The following CNTNAP2 variants were observed in gnomAD, a reference collection of about 807,000 sequenced individuals.
CNTNAP2 encodes the protein contactin associated protein 2, also known as contactin-associated protein-like 2.
Under a neutral mutation model 155.2 loss-of-function variants are expected in CNTNAP2, and 98 were observed. The ratio of observed to expected loss-of-function variants is 0.63; its 90% confidence interval spans 0.54 to 0.75. The LOEUF (loss-of-function observed/expected upper bound fraction) is 0.75, where lower values mean the gene tolerates loss of function less well. Among genes scored for constraint, CNTNAP2 ranks in the 30% least tolerant of loss-of-function variants. The pLI is 0.00. For synonymous variants in CNTNAP2, 651 were observed against 631.2 expected (o/e 1.03, Z -0.47); for missense variants, 1,727 against 1,688.1 (o/e 1.02, Z -0.40).
At chr7:147,990,212 C>T (rs2116880572) in intron 15 of CNTNAP2, among the ~76,000 whole-genome samples, 1 of 152,292 alleles carries the variant, frequency 6.6e-6, no homozygotes, top group Non-Finnish European at 1.5e-5. Flanking sequence ...TCGGGGGAAG[C>T]TTCAGAGACA....
chr7:146,764,345 C>A (rs1027842384), intron 1 of CNTNAP2, among the ~76,000 whole-genome samples: 3 of 152,172 alleles, frequency 2.0e-5, no homozygotes, highest in African/African-American at 7.2e-5. Flanking sequence ...CTCTGCCTAG[C>A]TCCTGGGTGG....
chr7:147,985,332 A>G (rs1270386837), intron 15 of CNTNAP2, among the ~76,000 whole-genome samples: 1 of 151,110 alleles, frequency 6.6e-6, no homozygotes, highest in East Asian at 2.0e-4. Context: ...TTGGTTCTCC[A>G]CATGTACATG....
At chr7:147,639,400 A>G in intron 13 of CNTNAP2, 94 bp downstream of exon 13, 2 of 1,180,256 alleles carry the variant, frequency 1.7e-6, no homozygotes, top group South Asian at 1.3e-5. Context: ...ATTATCTTAT[A>G]GTCTAGTCTT....
chr7:147,028,777 GA>G (rs1360920403), intron 3 of CNTNAP2, among the ~76,000 whole-genome samples: 2 of 151,942 alleles, frequency 1.3e-5, no homozygotes, highest in African/African-American at 2.4e-5. Flanking sequence ...AAAATAACAG[GA>G]ATAAGCAAAA....
intron 10 of CNTNAP2, among the ~76,000 whole-genome samples, chr7:147,438,705 A>G (rs1797591379): frequency 6.6e-6 from 1 of 152,160 alleles, no homozygotes; most frequent in Non-Finnish European, 1.5e-5. Flanking sequence ...TTCAGCAGTG[A>G]AGCCATCAAG....
rs1585305842 is a variant in CNTNAP2 at position 148,361,650 on chromosome 7, G to A, written c.3476-21999G>A. 2.0e-5 allele frequency among the ~76,000 whole-genome samples: 3 copies of A among 152,274 alleles called. 1 individual carries two copies. The highest frequency in any genetic ancestry group is 1.5e-5 in the Non-Finnish European group (1 of 68,018). The stretch of plus-strand genomic sequence containing the variant: ...TCTTTTTATAAGGACAACAGTCACT[G>A]GGTTAGGGCTTACCTTAACTAAAGA... On this transcript the variant is annotated intron_variant, in intron 21 of 23. Coordinates refer to ENST00000361727, the MANE Select transcript of CNTNAP2 (RefSeq NM_014141.6).
At chr7:147,471,666 A>G (rs559209487) in intron 10 of CNTNAP2, among the ~76,000 whole-genome samples, 11 of 152,344 alleles carry the variant, frequency 7.2e-5, no homozygotes, top group Admixed American at 3.9e-4. Context: ...ATATTCACTT[A>G]CTCAGAACTT....
At chr7:146,454,634 G>A (rs1225742688) in intron 1 of CNTNAP2, among the ~76,000 whole-genome samples, 2 of 151,534 alleles carry the variant, frequency 1.3e-5, no homozygotes, top group African/African-American at 2.4e-5. Context: ...ATAAAAATAG[G>A]TATACATGAA....
chr7:148,254,616 A>G (rs915334872), intron 20 of CNTNAP2, among the ~76,000 whole-genome samples: 20 of 152,178 alleles, frequency 1.3e-4, no homozygotes, highest in African/African-American at 4.8e-4. Context: ...CTCAACTAAA[A>G]ATACAAAAAA....
In CNTNAP2 at chr7:146,512,405, T is replaced by C. The variant is rs964653415; in HGVS notation, c.98-261866T>C. On this transcript the variant is annotated intron_variant, in intron 1 of 23. Coordinates refer to ENST00000361727, the MANE Select transcript of CNTNAP2 (RefSeq NM_014141.6). ...CAGCTTATTTGAAGCTTTACCACTTTTTTTTATGTAGATGTTCATTGCTAT... is the reference window on the plus strand; with the variant it reads ...CAGCTTATTTGAAGCTTTACCACTTCTTTTTATGTAGATGTTCATTGCTAT... Among the ~76,000 whole-genome samples, 2 of 151,974 alleles carry C rather than the reference T, an allele frequency of 1.3e-5. 1 individual carries two copies. The highest frequency in any genetic ancestry group is 1.3e-4 in the Admixed American group (2 of 15,270).
intron 1 of CNTNAP2, among the ~76,000 whole-genome samples, chr7:146,291,271 CTG>C (rs1157137492): frequency 6.6e-6 from 1 of 152,154 alleles, no homozygotes; most frequent in Non-Finnish European, 1.5e-5. Flanking sequence ...GGCCTGCAAA[CTG>C]TATCTCATGG....
At chr7:147,974,242 C>T (rs78274925) in intron 14 of CNTNAP2, among the ~76,000 whole-genome samples, 20 of 152,218 alleles carry the variant, frequency 1.3e-4, no homozygotes, top group African/African-American at 4.6e-4. Flanking sequence ...TATTTCCAAA[C>T]ACTTGTTTTA....
intron 1 of CNTNAP2, among the ~76,000 whole-genome samples, chr7:146,384,949 A>G (rs910844616): frequency 6.6e-6 from 1 of 152,194 alleles, no homozygotes; most frequent in African/African-American, 2.4e-5. Context: ...CTATTTTATC[A>G]TCAGTGTTTG....
intron 12 of CNTNAP2, among the ~76,000 whole-genome samples, chr7:147,631,193 A>C (rs543458265): frequency 1.3e-5 from 2 of 152,192 alleles, no homozygotes; most frequent in Non-Finnish European, 2.9e-5. Flanking sequence ...CCAAGCTGAG[A>C]AACAAATCAA....
intron 1 of CNTNAP2, among the ~76,000 whole-genome samples, chr7:146,253,007 TA>T: frequency 6.6e-6 from 1 of 152,234 alleles, no homozygotes; most frequent in East Asian, 1.9e-4. Context: ...TTCCTCAAAA[TA>T]AATATGAGAA....
At chr7:147,147,137 T>A (rs1397137303) in intron 8 of CNTNAP2, among the ~76,000 whole-genome samples, 1 of 152,058 alleles carries the variant, frequency 6.6e-6, no homozygotes, top group Non-Finnish European at 1.5e-5. Flanking sequence ...ACTTTTCACA[T>A]GGCAGCAGAA....
chr7:147,033,147 CATATATATATATGTATATAT>C (rs1486317852), intron 3 of CNTNAP2, among the ~76,000 whole-genome samples: 6 of 86,978 alleles, frequency 6.9e-5, no homozygotes, highest in African/African-American at 1.9e-4. Context: ...GATATTGCTG[CATATATATATATGTATATAT>C]ATATATATAT....
intron 21 of CNTNAP2, among the ~76,000 whole-genome samples, chr7:148,281,025 T>C (rs1415574349): frequency 6.6e-6 from 1 of 152,156 alleles, no homozygotes; most frequent in Admixed American, 6.6e-5. Flanking sequence ...CAGTGTCTCC[T>C]AGGGGCTAGT....
chr7:147,930,711 C>T (rs373382608), intron 14 of CNTNAP2, among the ~76,000 whole-genome samples: 1 of 152,178 alleles, frequency 6.6e-6, no homozygotes, highest in Non-Finnish European at 1.5e-5. Flanking sequence ...CGGACATACA[C>T]AGAACATCCC....
Sources: gnomAD v4.1 joint callset for allele counts (sites outside exome capture counted in the v4.1 genomes callset) on GRCh38, gnomAD v4.1.1 for gene constraint, MANE v1.5 for transcripts, NCBI Gene and HGNC (gene_info 2026-07-23, HGNC 2026-07-21) for gene names.